The following EVL variants were observed in gnomAD, a reference collection of about 807,000 sequenced individuals.
EVL encodes Enah/Vasp-like, also known as ena/VASP-like protein.
In EVL, 21 loss-of-function variants were observed where a neutral mutation model predicts 59.6. That is an observed-to-expected ratio of 0.35 (90% CI 0.25 to 0.51). EVL has a LOEUF of 0.51. Among genes scored for constraint, EVL ranks in the 20% least tolerant of loss-of-function variants. EVL has a pLI of 0.97. For missense variants in EVL, 462 were observed against 546.6 expected (o/e 0.85, Z 1.54); for synonymous variants, 198 against 203.5 (o/e 0.97, Z 0.23).
intron 1 of EVL, among the ~76,000 whole-genome samples, chr14:100,071,847 G>A (rs953959930): frequency 6.6e-6 from 1 of 152,096 alleles, no homozygotes; most frequent in African/African-American, 2.4e-5. Flanking sequence ...CTGTGTGGTG[G>A]GATCGTGGGA....
chr14:100,053,945 C>A (rs2061686201), intron 1 of EVL, among the ~76,000 whole-genome samples: 1 of 152,008 alleles, frequency 6.6e-6, no homozygotes, highest in African/African-American at 2.4e-5. Flanking sequence ...CTGTGCCCAG[C>A]CCCTCTTGCA....
chr14:99,989,186 A>G (rs1334683524), intron 1 of EVL, among the ~76,000 whole-genome samples: 2 of 152,082 alleles, frequency 1.3e-5, no homozygotes, highest in Non-Finnish European at 2.9e-5. Flanking sequence ...CCAGAGAGAC[A>G]CACTTTGTGA....
intron 3 of EVL, among the ~76,000 whole-genome samples, chr14:100,119,868 G>C (rs1887586126): frequency 6.6e-6 from 1 of 152,186 alleles, no homozygotes; most frequent in African/African-American, 2.4e-5. Context: ...TGCCTGCCCA[G>C]GTTAGTACCT....
chr14:99,975,635 G>C (rs1455704071), intron 1 of EVL, among the ~76,000 whole-genome samples: 1 of 152,130 alleles, frequency 6.6e-6, no homozygotes, highest in Non-Finnish European at 1.5e-5. Context: ...GCACAATCTG[G>C]ATCCCTTGCG....
At chr14:100,098,149 C>G (rs7159661) in intron 3 of EVL, among the ~76,000 whole-genome samples, 21,499 of 152,206 alleles carry the variant, frequency 0.14, 2,988 homozygotes, top group African/African-American at 0.35. Flanking sequence ...GGTTCATAAA[C>G]AGCTAACTGG....
chr14:100,059,547 A>G (rs2061787074), intron 1 of EVL, among the ~76,000 whole-genome samples: 1 of 152,218 alleles, frequency 6.6e-6, no homozygotes, highest in Admixed American at 6.5e-5. Flanking sequence ...GAGGCCTGGC[A>G]GAGATCGCCT....
chr14:100,137,734 C>A lies in EVL; in HGVS notation c.1032-6C>A. The A allele has an allele frequency of 1.2e-6, 2 of 1,614,104 alleles. No homozygotes were observed. Among genetic ancestry groups the A allele is most frequent in the Non-Finnish European group, 1.7e-6 (2 of 1,180,018 alleles). The stretch of plus-strand genomic sequence containing the variant: ...TTCACATGTCTGTTTCATTCCATTG[C>A]CGTAGAACCCCGTCTGTGGCAAAGA... On this transcript the variant is annotated splice_region_variant and splice_polypyrimidine_tract_variant and intron_variant, in intron 10 of 13. Coordinates refer to ENST00000392920, the MANE Select transcript of EVL (RefSeq NM_016337.3).
chr14:100,115,576 C>T (rs1887287842), intron 3 of EVL, among the ~76,000 whole-genome samples: 1 of 152,166 alleles, frequency 6.6e-6, no homozygotes, highest in African/African-American at 2.4e-5. Context: ...TCTTTCAGAC[C>T]CTGAGCGCCT....
intron 1 of EVL, among the ~76,000 whole-genome samples, chr14:100,057,876 C>G (rs2061758448): frequency 6.6e-6 from 1 of 152,216 alleles, no homozygotes; most frequent in Admixed American, 6.5e-5. Flanking sequence ...GTGTTAGAGA[C>G]TGTAACTAAT....
chr14:100,107,349 G>A, intron 3 of EVL: 2 of 398,620 alleles, frequency 5.0e-6, no homozygotes, highest in East Asian at 7.1e-5. Flanking sequence ...CTCTGCTGGT[G>A]TAGAAGGCAG....
chr14:100,092,067 C>T (rs973740637), intron 2 of EVL, among the ~76,000 whole-genome samples: 4 of 151,742 alleles, frequency 2.6e-5, no homozygotes, highest in Non-Finnish European at 5.9e-5. Context: ...AGCAAGACCT[C>T]GTCTCTACAA....
intron 13 of EVL, 160 bp downstream of exon 13, chr14:100,141,953 C>T (rs1889197223): frequency 1.8e-6 from 1 of 565,450 alleles, no homozygotes; most frequent in African/African-American, 1.9e-5. Flanking sequence ...AGGAAACAGG[C>T]TCAGGAAAGC....
intron 1 of EVL, among the ~76,000 whole-genome samples, chr14:100,041,813 T>C (rs1373914170): frequency 6.6e-6 from 1 of 152,192 alleles, no homozygotes; most frequent in African/African-American, 2.4e-5. Context: ...TTTTTATTTG[T>C]GTGCCAATAG....
intron 1 of EVL, chr14:100,066,305 G>T (rs558840114): frequency 2.6e-5 from 4 of 152,122 alleles, no homozygotes; most frequent in African/African-American, 9.7e-5. Flanking sequence ...TCTTTTAGCC[G>T]TGTTAGATTG....
intron 1 of EVL, among the ~76,000 whole-genome samples, chr14:100,026,717 C>T (rs1397395412): frequency 2.6e-5 from 4 of 152,168 alleles, no homozygotes; most frequent in Non-Finnish European, 5.9e-5. Flanking sequence ...GCATGAGCTC[C>T]TTGAGGTCAG....
At chr14:100,015,335 A>G (rs1340275914) in intron 1 of EVL, among the ~76,000 whole-genome samples, 1 of 152,158 alleles carries the variant, frequency 6.6e-6, no homozygotes, top group Non-Finnish European at 1.5e-5. Flanking sequence ...AAATATTCTC[A>G]TTTAGCTTTC....
upstream of EVL, among the ~76,000 whole-genome samples, chr14:100,064,442 A>G (rs534793808): frequency 7.9e-5 from 12 of 152,372 alleles, no homozygotes; most frequent in Non-Finnish European, 1.3e-4. Flanking sequence ...CAAAATAAGT[A>G]TAACCCCATT....
At chr14:100,104,454 T>C (rs772896494) in intron 3 of EVL, among the ~76,000 whole-genome samples, 4 of 152,258 alleles carry the variant, frequency 2.6e-5, no homozygotes, top group African/African-American at 4.8e-5. Flanking sequence ...AAGCATGAGT[T>C]ATTCTCTGGG....
At chr14:100,094,687 T>C (rs1169358005) in intron 2 of EVL, among the ~76,000 whole-genome samples, 2 of 151,952 alleles carry the variant, frequency 1.3e-5, no homozygotes, top group East Asian at 3.9e-4. Flanking sequence ...GAGGCTGCAG[T>C]GAGCCAAGAT....
Sources: allele counts gnomAD v4.1 joint callset (sites outside exome capture counted in the v4.1 genomes callset), GRCh38; gene constraint gnomAD v4.1.1; transcripts MANE v1.5; gene names NCBI Gene and HGNC (gene_info 2026-07-23, HGNC 2026-07-21).